CTNNBL1: variants seen among roughly 807,000 people sequenced by gnomAD.
CTNNBL1 encodes the protein catenin beta like 1.
In CTNNBL1, 31 loss-of-function variants were observed where a neutral mutation model predicts 72.7. The ratio of observed to expected loss-of-function variants is 0.43; its 90% CI spans 0.32 to 0.58. CTNNBL1 has a LOEUF of 0.58. Among genes scored for constraint, CTNNBL1 ranks in the 20% least tolerant of loss-of-function variants. The pLI, the probability that CTNNBL1 is intolerant of heterozygous loss-of-function variation, is 0.08. For synonymous variants in CTNNBL1, 240 were observed against 267.3 expected, an observed-to-expected ratio of 0.90 and a Z score of 1.00; for missense variants, 534 against 725.1, an observed-to-expected ratio of 0.74 and a Z score of 3.03.
intron 3 of CTNNBL1, among the ~76,000 whole-genome samples, chr20:37,737,742 A>AG (rs1353524478): frequency 6.6e-6 from 1 of 152,210 alleles, no homozygotes; most frequent in Non-Finnish European, 1.5e-5. Context: ...ATTCAGATAC[A>AG]GGCTTCCTAT....
intron 15 of CTNNBL1, 57 bp downstream of exon 15, chr20:37,860,401 C>A: frequency 7.4e-7 from 1 of 1,343,462 alleles, no homozygotes; most frequent in Non-Finnish European, 1.1e-6. Context: ...TGCTTACTTT[C>A]TGAGCCTCTG....
chr20:37,850,605 C>T (rs956106510), intron 13 of CTNNBL1, among the ~76,000 whole-genome samples: 2 of 15,178 alleles, frequency 1.3e-4, no homozygotes, highest in African/African-American at 4.9e-4. Flanking sequence ...AAAAGACTTG[C>T]AGTTTCTAGG....
At chr20:37,861,339 G>A (rs2072489922) in intron 15 of CTNNBL1, among the ~76,000 whole-genome samples, 1 of 152,238 alleles carries the variant, frequency 6.6e-6, no homozygotes, top group Non-Finnish European at 1.5e-5. Context: ...TACAAGGCGG[G>A]GCCCCTGTTC....
At chr20:37,865,527 G>A (rs2072529825) in intron 15 of CTNNBL1, among the ~76,000 whole-genome samples, 1 of 152,034 alleles carries the variant, frequency 6.6e-6, no homozygotes, top group African/African-American at 2.4e-5. Flanking sequence ...CCAGCCCCTG[G>A]CAGCCACTAT....
chr20:37,783,453 G>A (rs1466536881), intron 10 of CTNNBL1, among the ~76,000 whole-genome samples: 1 of 151,948 alleles, frequency 6.6e-6, no homozygotes, highest in African/African-American at 2.4e-5. Flanking sequence ...TGTATTGTTA[G>A]GTTGTGTATT....
intron 1 of CTNNBL1, among the ~76,000 whole-genome samples, chr20:37,707,782 C>T (rs893911905): frequency 2.6e-5 from 4 of 152,224 alleles, no homozygotes; most frequent in African/African-American, 9.6e-5. Context: ...AACATCCTTT[C>T]CTCACTAAAG....
intron 1 of CTNNBL1, among the ~76,000 whole-genome samples, chr20:37,706,939 T>G (rs1206286406): frequency 2.0e-5 from 3 of 152,240 alleles, no homozygotes; most frequent in Non-Finnish European, 4.4e-5. Context: ...TTCATCTCCT[T>G]GTACATCTCC....
intron 11 of CTNNBL1, chr20:37,832,265 C>G (rs2235479): frequency 0.82 from 124,604 of 152,258 alleles, 51,034 homozygotes; most frequent in Middle Eastern, 0.89. Flanking sequence ...TCAGGATGAC[C>G]AGGGCTGACT....
At chr20:37,767,496 C>G (rs769791793) in intron 6 of CTNNBL1, among the ~76,000 whole-genome samples, 1 of 152,120 alleles carries the variant, frequency 6.6e-6, no homozygotes, top group Non-Finnish European at 1.5e-5. Flanking sequence ...TTGCTTCCAC[C>G]TGATGCAGGG....
intron 1 of CTNNBL1, among the ~76,000 whole-genome samples, chr20:37,700,960 C>T (rs1426940019): frequency 6.6e-6 from 1 of 152,038 alleles, no homozygotes; most frequent in Admixed American, 6.5e-5. Context: ...CTCCTTTCCC[C>T]CTCCTAGTTT....
In CTNNBL1 at chr20:37,787,144, A is replaced by G. The variant is rs79769634; in HGVS notation, c.1031+7809A>G. 4.0e-3 allele frequency among the ~76,000 whole-genome samples: 582 copies of G among 145,238 alleles called. 2 individuals carry two copies. The highest frequency in any genetic ancestry group is 0.014 in the African/African-American group (559 of 38,674). On this transcript the variant is annotated intron_variant, in intron 10 of 15. Coordinates refer to ENST00000361383, the MANE Select transcript of CTNNBL1 (RefSeq NM_030877.5). ...TTAGCATTTTTTTTTTTTTTAAGAG[A>G]CAGGATTCCACTATGTTGCCCAGGC...
At chr20:37,749,770 A>G (rs745971686) in intron 4 of CTNNBL1, 1 of 152,268 alleles carries the variant, frequency 6.6e-6, no homozygotes, top group Non-Finnish European at 1.5e-5. Context: ...ACTTGCATCT[A>G]CCATATCCTC....
At chr20:37,859,454 T>C (rs1339559157) in intron 13 of CTNNBL1, among the ~76,000 whole-genome samples, 1 of 152,030 alleles carries the variant, frequency 6.6e-6, no homozygotes, top group Non-Finnish European at 1.5e-5. Flanking sequence ...TTCTACTGCA[T>C]GCCTGTCACT....
intron 1 of CTNNBL1, among the ~76,000 whole-genome samples, chr20:37,726,286 T>A (rs61194915): frequency 0.052 from 7,869 of 152,300 alleles, 233 homozygotes; most frequent in Middle Eastern, 0.078. Flanking sequence ...TTATAGCCTG[T>A]CTAAAATAGC....
chr20:37,861,414 G>A (rs901636432), intron 15 of CTNNBL1, among the ~76,000 whole-genome samples: 1 of 152,154 alleles, frequency 6.6e-6, no homozygotes, highest in Non-Finnish European at 1.5e-5. Context: ...TGGCTGGTAC[G>A]TGTGGCAGTG....
At position 37,696,998 on chromosome 20, in the gene CTNNBL1, A is replaced by G. The variant is rs1439019516; in HGVS notation, c.30+2846A>G. Among the ~76,000 whole-genome samples, 11 of 151,800 alleles carry G rather than the reference A, an allele frequency of 7.2e-5. No homozygotes were observed. The East Asian group carries it at 2.2e-3, about 30-fold the overall frequency. ...GGAGTTTGAGACCAGCCTGACCAAC[A>G]TGAAGAAACCATGTCTCTACTAAAA... is the stretch of plus-strand genomic sequence containing the variant. On this transcript the variant is annotated intron_variant, in intron 1 of 15. Coordinates refer to ENST00000361383, the MANE Select transcript of CTNNBL1 (RefSeq NM_030877.5).
Position 37,860,333 on chromosome 20 carries a change from A to G in CTNNBL1, c.1592A>G (p.His531Arg), listed in dbSNP as rs756195419. ...MRGSSIKIVRHIIKEYAENIG... is the reference protein window; with the variant it reads ...MRGSSIKIVRRIIKEYAENIG... ...GGAAGCTCCATCAAAATTGTCAGGCATATCATCAAGGGTGAGTTGGATGCT... is the reference window on the plus strand; with the variant it reads ...GGAAGCTCCATCAAAATTGTCAGGCGTATCATCAAGGGTGAGTTGGATGCT... Residue 531 changes from histidine to arginine, a missense_variant, in exon 15 of 16, where the codon CAT (histidine) becomes CGT (arginine). His to Arg is a conservative substitution (Grantham distance 29). Transcript: ENST00000361383. The G allele has an allele frequency of 1.3e-4, 216 of 1,613,574 alleles. No homozygotes were observed. Among genetic ancestry groups the G allele is most frequent in the Non-Finnish European group, 1.6e-4 (185 of 1,179,568 alleles).
rs6125982 is a variant in CTNNBL1 at position 37,721,637 on chromosome 20, T to C, written c.31-11242T>C. Among the ~76,000 whole-genome samples, 426 of 152,364 alleles carry C rather than the reference T, an allele frequency of 2.8e-3. 4 individuals carry two copies. Among genetic ancestry groups the C allele is most frequent in the East Asian group, 0.017 (88 of 5,190 alleles). ...AAGTCTCCTTTGCACTCTTCCCTAATCTCATTTCATCACATACTCCTCTCT... is the reference window on the plus strand; with the variant it reads ...AAGTCTCCTTTGCACTCTTCCCTAACCTCATTTCATCACATACTCCTCTCT... On this transcript the variant is annotated intron_variant, in intron 1 of 15. Coordinates refer to ENST00000361383, the MANE Select transcript of CTNNBL1 (RefSeq NM_030877.5).
At chr20:37,699,237 C>T (rs141780262) in intron 1 of CTNNBL1, among the ~76,000 whole-genome samples, 1 of 152,328 alleles carries the variant, frequency 6.6e-6, no homozygotes, top group Non-Finnish European at 1.5e-5. Context: ...CTTAAGGCAT[C>T]TAGCTAGGTA....
Sources: gnomAD v4.1 joint callset for allele counts (sites outside exome capture counted in the v4.1 genomes callset) on GRCh38, gnomAD v4.1.1 for gene constraint, MANE v1.5 for transcripts, NCBI Gene and HGNC (gene_info 2026-07-23, HGNC 2026-07-21) for gene names.